MAST4: variants seen among roughly 807,000 people sequenced by gnomAD.
MAST4 encodes the protein microtubule associated serine/threonine kinase family member 4, also known as microtubule-associated serine/threonine-protein kinase 4.
In MAST4, 89 loss-of-function variants were observed where a neutral mutation model predicts 162.7. That is an observed-to-expected ratio of 0.55 (90% confidence interval 0.46 to 0.65). The LOEUF (loss-of-function observed/expected upper bound fraction) is 0.65, where lower values mean the gene tolerates loss of function less well. Among genes scored for constraint, MAST4 ranks in the 30% least tolerant of loss-of-function variants. The pLI is 0.00. For synonymous variants in MAST4, 1,479 were observed against 1,361.1 expected (o/e 1.09, Z -1.91); for missense variants, 3,153 against 3,374.0 (o/e 0.93, Z 1.62).
chr5:67,164,290 C>T lies in MAST4; in HGVS notation c.5111C>T (p.Pro1704Leu), dbSNP rs866924159. Reference sequence around the variant, plus strand: ...GAGGACAAAGAGGACAACCTCTGCCCTGTGCTGAAGCCCAAGATGACAGCT... The same window carrying T: ...GAGGACAAAGAGGACAACCTCTGCCTTGTGCTGAAGCCCAAGATGACAGCT... ...SLEDKEDNLC[P>L]VLKPKMTAGS... is the part of the protein sequence containing the mutation. Residue 1704 changes from proline (P) to leucine (L), a missense_variant, in exon 29 of 29, where the codon CCT becomes CTT. Coordinates refer to ENST00000403625, the MANE Select transcript of MAST4 (RefSeq NM_001164664.2). This position sits in a 1 kb window ranked among gnomAD's most constrained non-coding sequence, Gnocchi z 5.3. 2 of 1,614,030 alleles carry T rather than the reference C, an allele frequency of 1.2e-6. No individual in the cohort carries two copies. The highest frequency in any genetic ancestry group is 1.1e-5 in the South Asian group (1 of 91,074).
At chr5:66,608,751 C>T (rs775066251) in intron 1 of MAST4, among the ~76,000 whole-genome samples, 8 of 132,194 alleles carry the variant, frequency 6.1e-5, no homozygotes, top group Non-Finnish European at 1.2e-4. Flanking sequence ...GAGCATGGCA[C>T]GTCAGTTTTA....
intron 3 of MAST4, among the ~76,000 whole-genome samples, chr5:66,858,535 A>G (rs1005239263): frequency 1.3e-5 from 2 of 152,096 alleles, no homozygotes; most frequent in Non-Finnish European, 2.9e-5. Context: ...GCCCCAGTCT[A>G]TTTATTCATG....
intron 26 of MAST4, among the ~76,000 whole-genome samples, chr5:67,158,077 G>A (rs948571662): frequency 2.6e-5 from 4 of 152,042 alleles, no homozygotes; most frequent in African/African-American, 9.7e-5. Context: ...ACAGGAACTC[G>A]CCATGCTTGT....
chr5:66,896,387 G>A (rs561820252), intron 3 of MAST4, among the ~76,000 whole-genome samples: 1 of 152,252 alleles, frequency 6.6e-6, no homozygotes, highest in Admixed American at 6.5e-5. Context: ...AGTTACAGTG[G>A]TATCTGTGGG....
intron 3 of MAST4, among the ~76,000 whole-genome samples, chr5:66,882,246 T>C (rs954758558): frequency 1.3e-5 from 2 of 152,230 alleles, no homozygotes; most frequent in Non-Finnish European, 2.9e-5. Flanking sequence ...TAGGATTTGC[T>C]GAGCCTCTAG....
At chr5:67,119,632 A>G (rs1561678894) in intron 13 of MAST4, among the ~76,000 whole-genome samples, 3 of 152,214 alleles carry the variant, frequency 2.0e-5, no homozygotes, top group Non-Finnish European at 4.4e-5. Flanking sequence ...GTAAGTGCTA[A>G]ATAAATGATA....
Position 67,163,253 on chromosome 5 carries a change from C to T in MAST4, c.4074C>T (p.Leu1358=), listed in dbSNP as rs1048607393. The T allele has an allele frequency of 2.5e-6, 4 of 1,613,538 alleles. No individual in the cohort carries two copies. Among genetic ancestry groups the T allele is most frequent in the Non-Finnish European group, 3.4e-6 (4 of 1,179,906 alleles). Residue 1358 remains leucine, a synonymous_variant, in exon 29 of 29, where the codon CTC becomes CTT. Coordinates refer to ENST00000403625, the MANE Select transcript of MAST4 (RefSeq NM_001164664.2). The surrounding 1 kb of genome is among the most constrained non-coding windows in gnomAD (Gnocchi z 7.0). ...PSTLHGLAPK[L]GGQRYRSGRR... is the part of the protein sequence containing the mutation. ...CTCTCCACGGTCTTGCACCCAAACTCGGCGGGCAGCGGTACCGGTCCGGAA... is the reference window on the plus strand; with the variant it reads ...CTCTCCACGGTCTTGCACCCAAACTTGGCGGGCAGCGGTACCGGTCCGGAA...
intron 2 of MAST4, among the ~76,000 whole-genome samples, chr5:66,765,821 G>T (rs1018209902): frequency 6.6e-6 from 1 of 152,122 alleles, no homozygotes; most frequent in Non-Finnish European, 1.5e-5. Flanking sequence ...ATCACTAAGG[G>T]CATTAGATTA....
At chr5:66,696,747 AT>A (rs10711159) in intron 1 of MAST4, among the ~76,000 whole-genome samples, 80,607 of 150,092 alleles carry the variant, frequency 0.54, 22,038 homozygotes, top group African/African-American at 0.68. Flanking sequence ...TATCATCTGC[AT>A]TTTTTTTTTT....
intron 4 of MAST4, among the ~76,000 whole-genome samples, chr5:66,936,986 C>G (rs527978313): frequency 2.0e-5 from 3 of 152,284 alleles, no homozygotes; most frequent in Non-Finnish European, 2.9e-5. Context: ...AATTATATCT[C>G]CCACTGCTTT....
chr5:67,114,533 C>T (rs891998790), intron 12 of MAST4: 1 of 271,026 alleles, frequency 3.7e-6, no homozygotes, highest in African/African-American at 2.3e-5. Context: ...TTTTCTCTTG[C>T]AGAGCTCAGT....
At chr5:66,865,000 G>A (rs886706481) in intron 3 of MAST4, among the ~76,000 whole-genome samples, 1 of 152,078 alleles carries the variant, frequency 6.6e-6, no homozygotes, top group Non-Finnish European at 1.5e-5. Context: ...ACATGGGGCA[G>A]TGCTAGTTGT....
At chr5:66,941,337 A>C (rs1213289886) in intron 4 of MAST4, among the ~76,000 whole-genome samples, 1 of 152,160 alleles carries the variant, frequency 6.6e-6, no homozygotes, top group African/African-American at 2.4e-5. Flanking sequence ...CATGTTGTTT[A>C]GTGTAGCTAG....
intron 1 of MAST4, among the ~76,000 whole-genome samples, chr5:66,751,188 G>C (rs1753139014): frequency 6.6e-6 from 1 of 152,048 alleles, no homozygotes; most frequent in Non-Finnish European, 1.5e-5. Context: ...AAACCACAAA[G>C]ATGGGGAAAA....
rs911966703 is a variant in MAST4 at position 66,727,427 on chromosome 5, A to T, written c.364-32282A>T. 2.6e-5 allele frequency among the ~76,000 whole-genome samples: 4 copies of T among 152,206 alleles called. No homozygotes were observed. The South Asian group carries it at 8.3e-4, about 31-fold the overall frequency. ...TCACCTGCACAGGCTTCTCCAGGTT[A>T]TCCTGCAATGGACAGGATGTTTCTT... On this transcript the variant is annotated intron_variant, in intron 1 of 28. Coordinates refer to ENST00000403625, the MANE Select transcript of MAST4 (RefSeq NM_001164664.2).
In MAST4 at chr5:66,964,091, T is replaced by G. The variant is rs764623891; in HGVS notation, c.674+64109T>G. ...GTTTTGATCAATATAAAGATATAAT[T>G]TATTGGTTTCTAGAAAACATTTCCT... On this transcript the variant is annotated intron_variant, in intron 4 of 28. Transcript: ENST00000403625. The G allele has an allele frequency of 2.2e-5, 12 of 542,406 alleles. No homozygotes were observed. In the African/African-American group the frequency reaches 2.3e-4, roughly 10 times the overall value. The allele number at this position is 542,406 out of a possible 1,614,324, so 33.6% of individuals were successfully genotyped here. A position where few individuals can be genotyped will look rare whatever the true frequency, so the allele number is the denominator to read the frequency against.
chr5:66,951,634 G>GTA (rs1325892386), intron 4 of MAST4, among the ~76,000 whole-genome samples: 261 of 148,720 alleles, frequency 1.8e-3, no homozygotes, highest in African/African-American at 6.3e-3. Flanking sequence ...GTGTGTGTGT[G>GTA]TGTGTGTGTG....
intron 4 of MAST4, chr5:66,959,304 G>T (rs186321477): frequency 1.3e-6 from 1 of 779,682 alleles, no homozygotes; most frequent in Admixed American, 1.7e-5. Flanking sequence ...AGTAAGTATT[G>T]TCTGTCTTTA....
In MAST4 at chr5:67,111,010, T is replaced by C. The variant is rs542657216; in HGVS notation, c.1458+811T>C. On this transcript the variant is annotated intron_variant, in intron 11 of 28. Transcript: ENST00000403625. ...CTGCACTCCAGCCTGAGTGACAGAATGAGATTTCGTCTCAAAAAATAAAAA... is the reference window on the plus strand; with the variant it reads ...CTGCACTCCAGCCTGAGTGACAGAACGAGATTTCGTCTCAAAAAATAAAAA... 1.1e-3 allele frequency among the ~76,000 whole-genome samples: 160 copies of C among 152,328 alleles called. 1 individual carries two copies. Among genetic ancestry groups the C allele is most frequent in the South Asian group, 9.7e-3 (47 of 4,832 alleles).
Sources: gnomAD v4.1 joint callset for allele counts (sites outside exome capture counted in the v4.1 genomes callset) on GRCh38, gnomAD v4.1.1 for gene constraint, Gnocchi (gnomAD v3.1) non-coding constraint, MANE v1.5 for transcripts, NCBI Gene and HGNC (gene_info 2026-07-23, HGNC 2026-07-21) for gene names.